Variants in C16orf87 observed in about 807,000 individuals in gnomAD.
C16orf87 encodes the protein HDAC and MIER1 interacting protein 1, also known as UPF0547 protein C16orf87.
A neutral mutation model predicts 21.0 loss-of-function variants in C16orf87; 13 were observed. The ratio of observed to expected loss-of-function variants is 0.62; its 90% CI spans 0.40 to 0.98. The LOEUF is 0.98. Ranked by LOEUF, C16orf87 falls within the 50% of genes least tolerant of loss-of-function variation. The pLI, the probability that C16orf87 is intolerant of heterozygous loss-of-function variation, is 0.00. For synonymous variants in C16orf87, 49 were observed against 60.2 expected, an observed-to-expected ratio of 0.81 and a Z score of 0.86; for missense variants, 113 against 180.4, an observed-to-expected ratio of 0.63 and a Z score of 2.14.
At chr16:46,830,242 G>T (rs1050503098) in intron 1 of C16orf87, among the ~76,000 whole-genome samples, 4 of 145,880 alleles carry the variant, frequency 2.7e-5, no homozygotes, top group Non-Finnish European at 5.9e-5. Flanking sequence ...ACGAGATAGA[G>T]AGATAGAGAG....
chr16:46,828,893 A>C (rs974993755), intron 1 of C16orf87, among the ~76,000 whole-genome samples: 1 of 152,348 alleles, frequency 6.6e-6, no homozygotes, highest in African/African-American at 2.4e-5. Flanking sequence ...CATCAGGTTC[A>C]TATCACCAAA....
intron 3 of C16orf87, chr16:46,808,252 C>T (rs1967984737): frequency 1.4e-5 from 5 of 369,596 alleles, no homozygotes; most frequent in Non-Finnish European, 2.6e-5. Flanking sequence ...GTACAGCCTT[C>T]CTAGAATACA....
chr16:46,829,035 T>G (rs1959741125), intron 1 of C16orf87, among the ~76,000 whole-genome samples: 1 of 152,188 alleles, frequency 6.6e-6, no homozygotes, highest in African/African-American at 2.4e-5. Context: ...TCCAAATTCA[T>G]ATATTGAAGC....
At chr16:46,825,156 G>A (rs138490377) in intron 1 of C16orf87, among the ~76,000 whole-genome samples, 63 of 152,244 alleles carry the variant, frequency 4.1e-4, no homozygotes, top group African/African-American at 1.3e-3. Flanking sequence ...AGCTTTTTAC[G>A]GTATAGAACA....
chr16:46,819,817 A>C (rs1959340271), intron 2 of C16orf87, among the ~76,000 whole-genome samples: 1 of 151,798 alleles, frequency 6.6e-6, no homozygotes, highest in African/African-American at 2.4e-5. Flanking sequence ...TCTACTAAAA[A>C]TACAAAATTA....
chr16:46,801,146 A>G lies in C16orf87; in HGVS notation c.*1806T>C, dbSNP rs1027738115. On this transcript the variant is annotated 3_prime_UTR_variant, in exon 4 of 4. Transcript: ENST00000285697. ...TTTTTAAGCTTTTTTACTTAAAATC[A>G]AAAGTTTCCTTACAGTATGTTTCAA... The G allele has an allele frequency of 6.6e-6, 1 of 152,354 alleles. No homozygotes were observed. The highest frequency in any genetic ancestry group is 2.1e-4 in the South Asian group (1 of 4,832). The allele number at this position is 152,354 out of a possible 1,614,324, so 9.4% of individuals were successfully genotyped here.
chr16:46,802,187 T>C lies in C16orf87; in HGVS notation c.*765A>G, dbSNP rs1967797328. On this transcript the variant is annotated 3_prime_UTR_variant, in exon 4 of 4. Transcript: ENST00000285697. ...AGAAATATTTTGCATGTAATAAATA[T>C]ATTTCATGTTTAGGTTAACAGGCAC... is the stretch of plus-strand genomic sequence containing the variant. 2 of 152,250 alleles carry C rather than the reference T, an allele frequency of 1.3e-5. No individual in the cohort carries two copies. The highest frequency in any genetic ancestry group is 3.8e-4 in the East Asian group (2 of 5,202). The allele number at this position is 152,250 out of a possible 1,614,324, so 9.4% of individuals were successfully genotyped here.
rs1037195504 is a variant in C16orf87 at position 46,824,397 on chromosome 16, G to T, written c.152C>A (p.Pro51Gln). 1.4e-6 allele frequency: 2 copies of T among 1,457,578 alleles called. No individual in the cohort carries two copies. Among genetic ancestry groups the T allele is most frequent in the East Asian group, 2.3e-5 (1 of 42,920 alleles). 90.3% of individuals were successfully genotyped at this position (1,457,578 alleles called of 1,614,324 possible). The change falls in exon 2 of 4, where the codon CCA becomes CAA. Residue 51 changes from proline to glutamine, a missense_variant. Transcript: ENST00000285697. The stretch of plus-strand genomic sequence containing the variant: ...AAACTCACAGTTACCTGTAGAAGGT[G>T]GTGATTTCTCTGAGTGTTTTGCATT... ...LLNAKHSEKS[P>Q]PSTENKHEAK... is the part of the protein sequence containing the mutation.
chr16:46,816,387 G>A (rs1212894322), intron 2 of C16orf87, among the ~76,000 whole-genome samples: 1 of 152,102 alleles, frequency 6.6e-6, no homozygotes, highest in African/African-American at 2.4e-5. Flanking sequence ...AGAATATTTT[G>A]TTATATTTTC....
rs541316861 is a variant in C16orf87 at position 46,798,046 on chromosome 16, G to T, written c.*4906C>A. Reference sequence around the variant, plus strand: ...CACAAAAAGCCTTCTGATCAGTGTTGAATTAAATAAATAAATAAATAAATA... The same window carrying T: ...CACAAAAAGCCTTCTGATCAGTGTTTAATTAAATAAATAAATAAATAAATA... On this transcript the variant is annotated 3_prime_UTR_variant, in exon 4 of 4. Coordinates refer to ENST00000285697, the MANE Select transcript of C16orf87 (RefSeq NM_001001436.4). 3.3e-5 allele frequency: 5 copies of T among 151,228 alleles called. No homozygotes were observed. In the East Asian group the frequency reaches 9.7e-4, roughly 29 times the overall value. The allele number at this position is 151,228 out of a possible 1,614,324, so 9.4% of individuals were successfully genotyped here.
At chr16:46,818,999 T>C (rs1282508402) in intron 2 of C16orf87, among the ~76,000 whole-genome samples, 1 of 152,242 alleles carries the variant, frequency 6.6e-6, no homozygotes, top group Non-Finnish European at 1.5e-5. Flanking sequence ...TAAATGACTT[T>C]GTAACCTTAC....
intron 1 of C16orf87, among the ~76,000 whole-genome samples, chr16:46,829,372 T>C (rs1485769310): frequency 1.3e-5 from 2 of 152,198 alleles, no homozygotes; most frequent in African/African-American, 2.4e-5. Context: ...TCTTGTTTTG[T>C]TGAACAGTTT....
intron 2 of C16orf87, among the ~76,000 whole-genome samples, chr16:46,821,273 G>T (rs1183718361): frequency 6.6e-6 from 1 of 152,200 alleles, no homozygotes; most frequent in Non-Finnish European, 1.5e-5. Flanking sequence ...GCTCATGGAG[G>T]TTAACTAGGC....
intron 2 of C16orf87, among the ~76,000 whole-genome samples, chr16:46,820,990 A>C (rs1959392425): frequency 6.6e-6 from 1 of 152,164 alleles, no homozygotes; most frequent in Admixed American, 6.5e-5. Flanking sequence ...TCTTCTATTA[A>C]TTCTCCACTA....
rs1271742041 is a variant in C16orf87, at chr16:46,801,630, A to C, written c.*1322T>G. On this transcript the variant is annotated 3_prime_UTR_variant, in exon 4 of 4. Transcript: ENST00000285697. ...GAAAATTCTTTATCCTATCTAGAGTACCTCTTAAGCTCCCTCTGCTGGTTA... is the reference window on the plus strand; with the variant it reads ...GAAAATTCTTTATCCTATCTAGAGTCCCTCTTAAGCTCCCTCTGCTGGTTA... 1 of 152,204 alleles carries C rather than the reference A, an allele frequency of 6.6e-6. No homozygotes were observed. The highest frequency in any genetic ancestry group is 1.9e-4 in the East Asian group (1 of 5,206). 9.4% of individuals were successfully genotyped at this position (152,204 alleles called of 1,614,324 possible).
In C16orf87 at chr16:46,799,731, C is replaced by G. The variant is rs1967716836; in HGVS notation, c.*3221G>C. 1 of 152,236 alleles carries G rather than the reference C, an allele frequency of 6.6e-6. No homozygotes were observed. 9.4% of individuals were successfully genotyped at this position (152,236 alleles called of 1,614,324 possible). A position where few individuals can be genotyped will look rare whatever the true frequency, so the allele number is the denominator to read the frequency against. On this transcript the variant is annotated 3_prime_UTR_variant, in exon 4 of 4. Transcript: ENST00000285697. ...AGTGCAGTGGCAAGATCATCACTCA[C>G]TGCAGCCTCGAACTCCTGGGCTCAA... is the stretch of plus-strand genomic sequence containing the variant.
intron 1 of C16orf87, among the ~76,000 whole-genome samples, chr16:46,827,816 C>G (rs1314555145): frequency 1.3e-5 from 2 of 151,728 alleles, no homozygotes; most frequent in East Asian, 1.9e-4. Context: ...CTCCTGACCT[C>G]AGGTGATCCA....
At chr16:46,813,288 G>C (rs1567311183) in intron 2 of C16orf87, among the ~76,000 whole-genome samples, 1 of 151,906 alleles carries the variant, frequency 6.6e-6, no homozygotes, top group Non-Finnish European at 1.5e-5. Flanking sequence ...CATCATATTA[G>C]TAAATAGCAT....
intron 3 of C16orf87, among the ~76,000 whole-genome samples, chr16:46,804,627 C>T (rs1242641821): frequency 6.6e-6 from 1 of 152,140 alleles, no homozygotes; most frequent in Non-Finnish European, 1.5e-5. Flanking sequence ...GATAAATTTA[C>T]ATATAGTGAA....
Sources: allele counts gnomAD v4.1 joint callset (sites outside exome capture counted in the v4.1 genomes callset), GRCh38; gene constraint gnomAD v4.1.1; transcripts MANE v1.5; gene names NCBI Gene and HGNC (gene_info 2026-07-23, HGNC 2026-07-21).